Variants in SLC4A9 observed in about 807,000 individuals in gnomAD.
SLC4A9 encodes anion exchange protein 4.
Under a neutral mutation model 103.2 loss-of-function variants are expected in SLC4A9, and 102 were observed. The ratio of observed to expected loss-of-function variants is 0.99; its 90% CI spans 0.84 to 1.17. The LOEUF is 1.17. Among genes scored for constraint, SLC4A9 ranks in the 50% most tolerant of loss-of-function variants. The probability of loss-of-function intolerance (pLI) is 0.00; values close to 1 mark genes in which losing one functional copy is unlikely to be tolerated. For synonymous variants in SLC4A9, 453 were observed against 483.6 expected (o/e 0.94, Z 0.83); for missense variants, 1,091 against 1,193.7 (o/e 0.91, Z 1.27).
In SLC4A9 at chr5:140,371,432, C is replaced by G. The variant is rs772252926; in HGVS notation, c.2497-19C>G. On this transcript the variant is annotated intron_variant, in intron 18 of 21. Transcript: ENST00000506757. ...GGCTACCTGAGTGCCCTGCTTTCCT[C>G]TTCCTCTTGTTCCCCTAGTTCACTA... The G allele has an allele frequency of 8.1e-6, 13 of 1,613,616 alleles. No individual in the cohort carries two copies. Among genetic ancestry groups the G allele is most frequent in the African/African-American group, 1.3e-5 (1 of 74,936 alleles).
chr5:140,360,558 C>G, intron 1 of SLC4A9, 92 bp downstream of exon 1: 1 of 1,265,452 alleles, frequency 7.9e-7, no homozygotes, highest in Non-Finnish European at 1.1e-6. Context: ...TGGGGCTGCC[C>G]AAAATTAGGA....
Position 140,361,236 on chromosome 5 carries a change from C to T in SLC4A9, c.392-18C>T, listed in dbSNP as rs746460372. On this transcript the variant is annotated intron_variant, in intron 2 of 21. Transcript: ENST00000506757. ...AGGGAACTCTCAGGAAGGAGATGACCCCCAATCCATTCTCCAGAGCAGGTG... is the reference window on the plus strand; with the variant it reads ...AGGGAACTCTCAGGAAGGAGATGACTCCCAATCCATTCTCCAGAGCAGGTG... 1.3e-6 allele frequency: 2 copies of T among 1,545,808 alleles called. No individual in the cohort carries two copies. Among genetic ancestry groups the T allele is most frequent in the South Asian group, 1.2e-5 (1 of 83,992 alleles).
rs1767187115 is a variant in SLC4A9, at chr5:140,362,184, CTGAG to C, written c.719+17_719+20del. ...TGTCCCTCCCAAGCAGGTGAGGCTA[CTGAG>C]TGAGTGGGAGTCAGGGATCCCAGAA... On this transcript the variant is annotated intron_variant, in intron 5 of 21. Transcript: ENST00000506757. The C allele has an allele frequency of 2.0e-6, 3 of 1,519,092 alleles. No individual in the cohort carries two copies. The Admixed American group carries it at 7.4e-5, about 37-fold the overall frequency. 94.1% of individuals were successfully genotyped at this position (1,519,092 alleles called of 1,614,324 possible).
chr5:140,367,479 G>C lies in SLC4A9; in HGVS notation c.2073G>C (p.Trp691Cys). ...VSPFGANPWW[W>C]SVAAALPALL... ...CTTTTGGAGCCAACCCCTGGTGGTG[G>C]AGTGTGGCAGCTGCCCTGCCTGCCC... The change falls in exon 15 of 22, where the codon TGG becomes TGC. Residue 691 changes from tryptophan (W) to cysteine (C), a missense_variant. Coordinates refer to ENST00000506757, the MANE Select transcript of SLC4A9 (RefSeq NM_031467.3). 6.2e-7 allele frequency: 1 copy of C among 1,607,638 alleles called. No homozygotes were observed.
Position 140,360,907 on chromosome 5 carries a change from G to T in SLC4A9, c.326G>T (p.Arg109Leu), listed in dbSNP as rs781339669. ...GCACTGCCCAGCCTCCAGAAGCTCC[G>T]CAGCCTGCTGGCCGAGGGCCTTGTA... ...TLALPSLQKL[R>L]SLLAEGLVLL... Residue 109 changes from arginine (R) to leucine (L), a missense_variant, in exon 2 of 22, where the codon CGC (arginine) becomes CTC (leucine). Transcript: ENST00000506757. 4 of 1,607,520 alleles carry T rather than the reference G, an allele frequency of 2.5e-6. No individual in the cohort carries two copies. The highest frequency in any genetic ancestry group is 2.5e-6 in the Non-Finnish European group (3 of 1,177,538).
chr5:140,371,251 CT>C, intron 18 of SLC4A9, 88 bp downstream of exon 18: 1 of 1,465,808 alleles, frequency 6.8e-7, no homozygotes. Context: ...AACCCTACTC[CT>C]TTTTTCTTTT....
rs1767228453 is a variant in SLC4A9 at position 140,362,472 on chromosome 5, T to A, written c.747T>A (p.Cys249Ter). The change falls in exon 6 of 22, where the codon TGT (cysteine) becomes TGA (stop). Residue 249 changes from cysteine (C) to a stop codon, truncating the protein, a stop_gained. Coordinates refer to ENST00000506757, the MANE Select transcript of SLC4A9 (RefSeq NM_031467.3). LOFTEE classifies it high-confidence loss of function. ...TTTTCTGCCTTCTCCTGGGCCCCTG[T>A]ATGCTGGGAAAGGGCTACCATGAGA... ...SRFFCLLLGPCMLGKGYHEMG... is the reference protein window; with the variant it reads ...SRFFCLLLGP 6.2e-7 allele frequency: 1 copy of A among 1,613,862 alleles called. No homozygotes were observed. Among genetic ancestry groups the A allele is most frequent in the African/African-American group, 1.3e-5 (1 of 74,910 alleles).
At chr5:140,371,063 A>ATTTTTT (rs1445477381) in intron 17 of SLC4A9, 32 bp from the exon 18 acceptor site, 1 of 1,594,026 alleles carries the variant, frequency 6.3e-7, no homozygotes, top group Non-Finnish European at 8.6e-7. Context: ...GGCAGAGGTA[A>ATTTTTT]ACTTTGATAA....
chr5:140,365,372 C>T lies in SLC4A9; in HGVS notation c.1652-148C>T, dbSNP rs1010511889. ...TGGGGGCATGAGACAATGTCCTTCTCGCACACTTGGTAGTGATAGAGTCAG... is the reference window on the plus strand; with the variant it reads ...TGGGGGCATGAGACAATGTCCTTCTTGCACACTTGGTAGTGATAGAGTCAG... On this transcript the variant is annotated intron_variant, in intron 11 of 21. Coordinates refer to ENST00000506757, the MANE Select transcript of SLC4A9 (RefSeq NM_031467.3). The T allele has an allele frequency of 4.2e-5, 28 of 659,462 alleles. 1 individual carries two copies. In the Admixed American group the frequency reaches 4.6e-4, roughly 11 times the overall value. The allele number at this position is 659,462 out of a possible 1,614,324, so 40.9% of individuals were successfully genotyped here.
chr5:140,365,892 G>C lies in SLC4A9; in HGVS notation c.1769G>C (p.Gly590Ala), dbSNP rs1408800920. The C allele has an allele frequency of 6.2e-7, 1 of 1,613,986 alleles. No homozygotes were observed. Among genetic ancestry groups the C allele is most frequent in the Non-Finnish European group, 8.5e-7 (1 of 1,179,896 alleles). The change falls in exon 13 of 22, where the codon GGC becomes GCC. Residue 590 changes from glycine (G) to alanine (A), a missense_variant. Coordinates refer to ENST00000506757, the MANE Select transcript of SLC4A9 (RefSeq NM_031467.3). ...LPPPECTRQG[G>A]HPRGPGCHTV... ...CCACCTGAGTGCACCCGGCAGGGAG[G>C]CCACCCTCGTGGCCCTGGCTGTCAT...
At chr5:140,370,339 C>T (rs987047717) in intron 17 of SLC4A9, among the ~76,000 whole-genome samples, 6 of 151,640 alleles carry the variant, frequency 4.0e-5, no homozygotes, top group African/African-American at 1.5e-4. Flanking sequence ...TGGGGGGTGC[C>T]TATAATCCCA....
At chr5:140,367,256 T>C (rs949164579) in intron 14 of SLC4A9, among the ~76,000 whole-genome samples, 164 bp from the exon 15 acceptor site, 2 of 152,188 alleles carry the variant, frequency 1.3e-5, no homozygotes, top group African/African-American at 4.8e-5. Flanking sequence ...TCTGCTGTCT[T>C]TTAAGGCACT....
chr5:140,362,578 C>CTG (rs145912860), intron 6 of SLC4A9, 46 bp downstream of exon 6: 68 of 1,534,824 alleles, frequency 4.4e-5, no homozygotes, highest in Middle Eastern at 3.5e-4. Context: ...GCGTGCATGC[C>CTG]TGTGTGTGTG....
chr5:140,373,796 A>G (rs183857548), intron 21 of SLC4A9, among the ~76,000 whole-genome samples: 1 of 152,096 alleles, frequency 6.6e-6, no homozygotes, highest in Non-Finnish European at 1.5e-5. Context: ...CTCTAAAAAA[A>G]TTTTTTTTAA....
At position 140,360,855 on chromosome 5, in the gene SLC4A9, T is replaced by G. The variant is rs1561566961; in HGVS notation, c.274T>G (p.Trp92Gly). ...GAAGTTGGAGGTGGCTGCAGGCCGG[T>G]GGAGTGCCCCCCACGTGCCCACCCT... ...EEKLEVAAGR[W>G]SAPHVPTLAL... Residue 92 changes from tryptophan to glycine, a missense_variant, in exon 2 of 22, where the codon TGG becomes GGG. By Grantham distance (184) the Trp-to-Gly change is radical. Transcript: ENST00000506757. The G allele has an allele frequency of 1.9e-6, 3 of 1,612,904 alleles. No individual in the cohort carries two copies. Among genetic ancestry groups the G allele is most frequent in the Non-Finnish European group, 1.7e-6 (2 of 1,179,780 alleles).
chr5:140,367,207 C>T (rs1253288075), intron 14 of SLC4A9, among the ~76,000 whole-genome samples: 1 of 152,222 alleles, frequency 6.6e-6, no homozygotes, highest in African/African-American at 2.4e-5. Context: ...AGTCCAGAGC[C>T]CCTGGTTCCA....
Position 140,364,204 on chromosome 5 carries a change from C to A in SLC4A9, c.1388+17C>A, listed in dbSNP as rs750240953. 1.3e-6 allele frequency: 2 copies of A among 1,562,434 alleles called. No individual in the cohort carries two copies. ...TTTCAGCAGGTAGGAGAGCTCCCCC[C>A]ATCACCGGACCCTCACTAGTGCCAT... On this transcript the variant is annotated intron_variant, in intron 10 of 21. Coordinates refer to ENST00000506757, the MANE Select transcript of SLC4A9 (RefSeq NM_031467.3).
At position 140,365,559 on chromosome 5, in the gene SLC4A9, G is replaced by A. The variant is rs764081555; in HGVS notation, c.1691G>A (p.Arg564Lys). Residue 564 changes from arginine (R) to lysine (K), a missense_variant, in exon 12 of 22, where the codon AGA (arginine) becomes AAA (lysine). Transcript: ENST00000506757. ...TGGATAAGGACAAGGCCAAAAGACA[G>A]AGACGACATTGTAAGCATGGTGAGG... is the stretch of plus-strand genomic sequence containing the variant. ...SQWIRTRPKDRDDIVSMDLGL... is the reference protein window; with the variant it reads ...SQWIRTRPKDKDDIVSMDLGL... The A allele has an allele frequency of 6.2e-7, 1 of 1,612,318 alleles. No homozygotes were observed.
At chr5:140,372,428 A>T (rs769639383) in intron 20 of SLC4A9, 31 bp downstream of exon 20, 1 of 1,602,018 alleles carries the variant, frequency 6.2e-7, no homozygotes, top group East Asian at 2.2e-5. Flanking sequence ...TCTCAGGAGA[A>T]TGTGTCAGGG....
Sources: allele counts gnomAD v4.1 joint callset (sites outside exome capture counted in the v4.1 genomes callset), GRCh38; gene constraint gnomAD v4.1.1; transcripts MANE v1.5; gene names NCBI Gene and HGNC (gene_info 2026-07-23, HGNC 2026-07-21).